The following CROCC variants were observed in gnomAD, a reference collection of about 807,000 sequenced individuals.
CROCC encodes the protein rootletin.
A neutral mutation model predicts 245.2 loss-of-function variants in CROCC; 180 were observed. The ratio of observed to expected loss-of-function variants is 0.73; its 90% CI spans 0.65 to 0.83. The LOEUF is 0.83. CROCC is among the 40% of genes least tolerant of loss of function. The pLI is 0.00. For synonymous variants in CROCC, 1,205 were observed against 1,241.6 expected (o/e 0.97, Z 0.62); for missense variants, 2,688 against 2,779.4 (o/e 0.97, Z 0.74).
chr1:16,954,425 C>A lies in CROCC; in HGVS notation c.3321+68C>A. 1 of 1,550,496 alleles carries A rather than the reference C, an allele frequency of 6.4e-7. No individual in the cohort carries two copies. The highest frequency in any genetic ancestry group is 8.7e-7 in the Non-Finnish European group (1 of 1,142,936). On this transcript the variant is annotated intron_variant, in intron 22 of 36. Coordinates refer to ENST00000375541, the MANE Select transcript of CROCC (RefSeq NM_014675.5). The surrounding 1 kb of genome is among the most constrained non-coding windows in gnomAD (Gnocchi z 4.4). ...CACATCCCTGGCTGAGGAGCCCCCA[C>A]CACGGGGCGGCATGGCCCTGTCCTG... is the stretch of plus-strand genomic sequence containing the variant.
At chr1:16,930,620 A>G (rs549345617) in intron 7 of CROCC, 26 bp downstream of exon 7, 58 of 1,590,780 alleles carry the variant, frequency 3.6e-5, no homozygotes, top group South Asian at 1.5e-4. Flanking sequence ...CAGGGAGGCC[A>G]GCCTGACCCA....
chr1:16,957,346 G>A (rs2076264596), intron 25 of CROCC, among the ~76,000 whole-genome samples: 1 of 152,184 alleles, frequency 6.6e-6, no homozygotes. Context: ...AGTCAAGGCT[G>A]CAGTGAGCTG....
rs1301571456 is a variant in CROCC at position 16,929,906 on chromosome 1, GT to G, written c.413del (p.Val138AspfsTer69). On this transcript the variant is annotated frameshift_variant, in exon 4 of 37. Coordinates refer to ENST00000375541, the MANE Select transcript of CROCC (RefSeq NM_014675.5). LOFTEE classifies it high-confidence loss of function. ...GGAGACGCAGGAGCCCAGGGGGCTG[GT>G]ACGGCAGAGCGTGGAGTTGCGGAGG... Reference protein sequence around the residue: ...ELETQEPRGLVRQSVELRRQL... With the variant: ...ELETQEPRGLXRQSVELRRQL... The G allele has an allele frequency of 6.3e-7, 1 of 1,588,886 alleles. No homozygotes were observed. Among genetic ancestry groups the G allele is most frequent in the Non-Finnish European group, 8.5e-7 (1 of 1,171,222 alleles).
rs751071733 is a variant in CROCC at position 16,938,975 on chromosome 1, A to G, written c.1441A>G (p.Asn481Asp). The G allele has an allele frequency of 6.2e-7, 1 of 1,604,886 alleles. No homozygotes were observed. The highest frequency in any genetic ancestry group is 1.3e-5 in the African/African-American group (1 of 74,404). Residue 481 changes from asparagine (N) to aspartate (D), a missense_variant, in exon 12 of 37, where the codon AAC becomes GAC. Physicochemically the swap from Asn to Asp is conservative, Grantham distance 23. This residue lies in a region of CROCC where 972 missense variants were observed against 895.3 expected (regional missense o/e 1.09). Coordinates refer to ENST00000375541, the MANE Select transcript of CROCC (RefSeq NM_014675.5). Reference protein sequence around the residue: ...SGSERTADASNGSLRGLSGQR... With the variant: ...SGSERTADASDGSLRGLSGQR... ...CTCTGAGCGCACCGCGGATGCTTCC[A>G]ACGGCAGCCTGCGGGGGCTCTCGGG...
chr1:16,926,482 G>A (rs574665201), intron 3 of CROCC, among the ~76,000 whole-genome samples: 3 of 152,392 alleles, frequency 2.0e-5, no homozygotes, highest in South Asian at 2.1e-4. Context: ...GGCATGTTGG[G>A]CTGGGTTGGT....
chr1:16,971,074 A>G (rs2100564369), intron 35 of CROCC: 3 of 442,234 alleles, frequency 6.8e-6, no homozygotes, highest in South Asian at 1.1e-4. Context: ...TGGCGTGTCT[A>G]GGTATTATGA....
In CROCC at chr1:16,946,921, A is replaced by G; in HGVS notation, c.2444A>G (p.Gln815Arg). ...EGSLRVAEQA[Q>R]EALEQQLPTL... ...TCCCTACGAGTGGCGGAGCAGGCCC[A>G]GGAGGCATTGGAGCAGCAGCTCCCC... The change falls in exon 17 of 37, where the codon CAG becomes CGG. Residue 815 changes from glutamine to arginine, a missense_variant. Gln to Arg is a conservative substitution (Grantham distance 43, BLOSUM62 1). Around this residue, in one of 9 missense-constraint regions of CROCC, gnomAD observed 295 missense variants for 241.7 expected, o/e 1.22. Transcript: ENST00000375541. 2 of 1,563,846 alleles carry G rather than the reference A, an allele frequency of 1.3e-6. No homozygotes were observed. The highest frequency in any genetic ancestry group is 1.4e-5 in the African/African-American group (1 of 74,002).
At chr1:16,950,700 T>G (rs1423823940) in intron 19 of CROCC, among the ~76,000 whole-genome samples, 1 of 152,240 alleles carries the variant, frequency 6.6e-6, no homozygotes, top group Non-Finnish European at 1.5e-5. Context: ...TTGGGAGGCC[T>G]TCTCATCAGT....
In CROCC at chr1:16,968,196, C is replaced by T. The variant is rs891495977; in HGVS notation, c.4861-7C>T. Reference sequence around the variant, plus strand: ...ACGTCTGGGCCTGAGCCCCATGCCACCTGCAGGAGAAGATCAGCAAGATGA... The same window carrying T: ...ACGTCTGGGCCTGAGCCCCATGCCATCTGCAGGAGAAGATCAGCAAGATGA... On this transcript the variant is annotated splice_region_variant and splice_polypyrimidine_tract_variant and intron_variant, in intron 30 of 36. Transcript: ENST00000375541. 2.6e-6 allele frequency: 4 copies of T among 1,556,806 alleles called. No homozygotes were observed. The African/African-American group carries it at 5.4e-5, about 21-fold the overall frequency.
chr1:16,924,234 G>A lies in CROCC; in HGVS notation c.197-91G>A, dbSNP rs1243389663. On this transcript the variant is annotated intron_variant, in intron 2 of 36. Transcript: ENST00000375541. ...GCCATTCCCATCTGGACTCCTCCCAGGGGCCTGGATGGTTTTCTTGCCCTC... is the reference window on the plus strand; with the variant it reads ...GCCATTCCCATCTGGACTCCTCCCAAGGGCCTGGATGGTTTTCTTGCCCTC... 4.0e-6 allele frequency: 6 copies of A among 1,501,628 alleles called. No homozygotes were observed. The Admixed American group carries it at 5.5e-5, about 14-fold the overall frequency. 93.0% of individuals were successfully genotyped at this position (1,501,628 alleles called of 1,614,324 possible).
rs370274228 is a variant in CROCC at position 16,945,425 on chromosome 1, A to G, written c.1992-37A>G. The G allele has an allele frequency of 9.5e-4, 1,527 of 1,610,612 alleles. 1 individual carries two copies. Among genetic ancestry groups the G allele is most frequent in the Non-Finnish European group, 1.2e-3 (1,429 of 1,179,228 alleles). ...GGCTACAGGAGGTTCGGGGCAGGAA[A>G]GTGACATGGGCCACCCACCCACCCT... On this transcript the variant is annotated intron_variant, in intron 14 of 36. Transcript: ENST00000375541.
At chr1:16,925,729 G>C (rs1270158046) in intron 3 of CROCC, among the ~76,000 whole-genome samples, 2 of 152,286 alleles carry the variant, frequency 1.3e-5, no homozygotes, top group African/African-American at 4.8e-5. Context: ...GTGTGCCCGT[G>C]TCCTGGGATT....
chr1:16,952,492 A>C (rs2076178682), intron 20 of CROCC, among the ~76,000 whole-genome samples: 1 of 151,832 alleles, frequency 6.6e-6, no homozygotes, highest in Admixed American at 6.6e-5. Context: ...CTAAAAAAAA[A>C]AAAAAAGAAG....
chr1:16,934,915 T>G (rs2075756449), intron 8 of CROCC, among the ~76,000 whole-genome samples: 1 of 151,786 alleles, frequency 6.6e-6, no homozygotes, highest in Non-Finnish European at 1.5e-5. Flanking sequence ...TTTTTTCTTT[T>G]TTGAGATAGA....
In CROCC at chr1:16,969,861, C is replaced by T. The variant is rs763927470; in HGVS notation, c.5378C>T (p.Thr1793Met). The T allele has an allele frequency of 1.6e-5, 25 of 1,612,150 alleles. No individual in the cohort carries two copies. Among genetic ancestry groups the T allele is most frequent in the Admixed American group, 3.4e-5 (2 of 59,648 alleles). ...QSSSLGEQVQ[T>M]LRGEVADLEL... Reference sequence around the variant, plus strand: ...AGCTCCCTGGGCGAGCAGGTGCAGACGTTGCGAGGCGAGGTGGCTGACCTG... The same window carrying T: ...AGCTCCCTGGGCGAGCAGGTGCAGATGTTGCGAGGCGAGGTGGCTGACCTG... The change falls in exon 33 of 37, where the codon ACG (threonine) becomes ATG (methionine). Residue 1793 changes from threonine (T) to methionine (M), a missense_variant. Physicochemically the swap from Thr to Met is moderately conservative, Grantham distance 81 (BLOSUM62 -1). This residue lies in a region of CROCC where 1,218 missense variants were observed against 1,286.3 expected (regional missense o/e 0.95). Transcript: ENST00000375541.
chr1:16,940,324 C>T (rs537251855), intron 13 of CROCC, among the ~76,000 whole-genome samples: 3 of 151,542 alleles, frequency 2.0e-5, no homozygotes, highest in African/African-American at 7.3e-5. Flanking sequence ...CCTGGGTTCA[C>T]GCCATTCTCC....
chr1:16,969,380 A>G (rs1214182073), intron 32 of CROCC, 40 bp downstream of exon 32: 3 of 1,566,220 alleles, frequency 1.9e-6, no homozygotes, highest in South Asian at 2.3e-5. Context: ...GCCCAGTGAG[A>G]GAGTCAGCCA....
intron 8 of CROCC, among the ~76,000 whole-genome samples, chr1:16,935,042 GGCAT>G (rs2075758959): frequency 6.6e-6 from 1 of 152,216 alleles, no homozygotes; most frequent in African/African-American, 2.4e-5. Flanking sequence ...TGGGATTACA[GGCAT>G]GAGCCACCAC....
chr1:16,938,879 C>T (rs369720441), intron 11 of CROCC, 30 bp from the exon 12 acceptor site: 11 of 1,596,810 alleles, frequency 6.9e-6, no homozygotes, highest in African/African-American at 4.0e-5. Flanking sequence ...AACTCAGCAG[C>T]CTCCTTCTGC....
Sources: allele counts gnomAD v4.1 joint callset (sites outside exome capture counted in the v4.1 genomes callset), GRCh38; gene constraint gnomAD v4.1.1; regional missense constraint gnomAD v4.1.1; non-coding constraint Gnocchi (gnomAD v3.1); transcripts MANE v1.5; gene names NCBI Gene and HGNC (gene_info 2026-07-23, HGNC 2026-07-21).